RBFOX3: variants seen among roughly 807,000 people sequenced by gnomAD.
RBFOX3 encodes the protein RNA binding protein fox-1 homolog 3.
Under a neutral mutation model 48.7 loss-of-function variants are expected in RBFOX3, and 17 were observed. The ratio of observed to expected loss-of-function variants is 0.35; its 90% CI spans 0.24 to 0.52. The LOEUF is 0.52. RBFOX3 is among the 20% of genes least tolerant of loss of function. The pLI is 0.94. For missense variants in RBFOX3, 382 were observed against 497.5 expected (o/e 0.77, Z 2.21); for synonymous variants, 212 against 209.5 (o/e 1.01, Z -0.10).
At chr17:79,210,885 C>A (rs571855071) in intron 4 of RBFOX3, among the ~76,000 whole-genome samples, 6 of 149,720 alleles carry the variant, frequency 4.0e-5, no homozygotes, top group Admixed American at 3.3e-4. Context: ...CTCTAGGCAG[C>A]GAGCAGTGAG....
chr17:79,414,583 G>C (rs894997076), intron 2 of RBFOX3, among the ~76,000 whole-genome samples: 5 of 152,174 alleles, frequency 3.3e-5, no homozygotes, highest in Non-Finnish European at 7.3e-5. Flanking sequence ...GTGTCTGACT[G>C]TCCGTCTGGC....
At chr17:79,165,447 C>T (rs1380705367) in intron 4 of RBFOX3, among the ~76,000 whole-genome samples, 1 of 152,172 alleles carries the variant, frequency 6.6e-6, no homozygotes, top group Non-Finnish European at 1.5e-5. Flanking sequence ...CCTGGGGAGG[C>T]CGCAGGAGGG....
chr17:79,514,395 CCTCA>C (rs1202246872), intron 1 of RBFOX3, among the ~76,000 whole-genome samples: 6 of 152,244 alleles, frequency 3.9e-5, no homozygotes, highest in Non-Finnish European at 5.9e-5. Context: ...GCCACTATTG[CCTCA>C]CTGAGTCCTC....
rs748031028 is a variant in RBFOX3 at position 79,477,090 on chromosome 17, A to G, written c.-175+5364T>C. 8.2e-4 allele frequency among the ~76,000 whole-genome samples: 124 copies of G among 151,138 alleles called. No homozygotes were observed. Among genetic ancestry groups the G allele is most frequent in the Admixed American group, 1.1e-3 (16 of 15,208 alleles). On this transcript the variant is annotated intron_variant, in intron 2 of 14. Transcript: ENST00000693108. The surrounding 1 kb of genome is among the most constrained non-coding windows in gnomAD (Gnocchi z 4.8). ...TCTACTAAAAATACAAAAATTAGCC[A>G]GGCGTGGTGGTGGGCGCCTGTAATC...
In RBFOX3 at chr17:79,252,625, T is replaced by A. The variant is rs1273456243; in HGVS notation, c.-73-16820A>T. ...CTTCCTGACTTCTGCCTTCCAGAAC[T>A]GCAAGGCCACCCATCCAGCTCGTTT... On this transcript the variant is annotated intron_variant, in intron 3 of 14. Transcript: ENST00000693108. The surrounding 1 kb of genome is among the most constrained non-coding windows in gnomAD (Gnocchi z 4.0). 1.6e-4 allele frequency among the ~76,000 whole-genome samples: 25 copies of A among 152,214 alleles called. No homozygotes were observed. Among genetic ancestry groups the A allele is most frequent in the Non-Finnish European group, 2.9e-5 (2 of 68,048 alleles).
rs982100358 is a variant in RBFOX3 at position 79,299,553 on chromosome 17, G to C, written c.-74+8171C>G. ...ATCTCCAGGGTACTGGAGGATGCAC[G>C]TGGGTTACATGCAGAGGCTGCGCCA... is the stretch of plus-strand genomic sequence containing the variant. On this transcript the variant is annotated intron_variant, in intron 3 of 14. Transcript: ENST00000693108. This position sits in a 1 kb window ranked among gnomAD's most constrained non-coding sequence, Gnocchi z 4.5. 2.6e-5 allele frequency among the ~76,000 whole-genome samples: 4 copies of C among 152,240 alleles called. No individual in the cohort carries two copies. The highest frequency in any genetic ancestry group is 9.6e-5 in the African/African-American group (4 of 41,466).
chr17:79,365,976 T>C (rs947275549), intron 2 of RBFOX3, among the ~76,000 whole-genome samples: 10 of 152,238 alleles, frequency 6.6e-5, no homozygotes, highest in Non-Finnish European at 5.9e-5. Context: ...GCCACGGATG[T>C]CCTGCCACTG....
chr17:79,326,481 G>C (rs66950462), intron 2 of RBFOX3, among the ~76,000 whole-genome samples: 26,521 of 152,152 alleles, frequency 0.17, 2,616 homozygotes, highest in South Asian at 0.25. Context: ...CCTGGGGTCA[G>C]GCACTACACT....
At chr17:79,104,186 T>C (rs2146565954) in intron 6 of RBFOX3, 60 bp from the exon 7 acceptor site, 3 of 1,383,096 alleles carry the variant, frequency 2.2e-6, no homozygotes, top group East Asian at 2.5e-5. Context: ...TTAAGACTGC[T>C]GGCCCAGCTG....
In RBFOX3 at chr17:79,242,101, T is replaced by C. The variant is rs1296691958; in HGVS notation, c.-73-6296A>G. Among the ~76,000 whole-genome samples, 2 of 152,196 alleles carry C rather than the reference T, an allele frequency of 1.3e-5. No homozygotes were observed. Among genetic ancestry groups the C allele is most frequent in the Non-Finnish European group, 2.9e-5 (2 of 68,036 alleles). On this transcript the variant is annotated intron_variant, in intron 3 of 14. Transcript: ENST00000693108. This position sits in a 1 kb window ranked among gnomAD's most constrained non-coding sequence, Gnocchi z 5.8. ...GACGGTGCTTGGACCTAGTTTATGG[T>C]CAGAGTAGATTTATTTGGCATTGTA...
At position 79,455,286 on chromosome 17, in the gene RBFOX3, G is replaced by A. The variant is rs868948354; in HGVS notation, c.-175+27168C>T. Among the ~76,000 whole-genome samples the A allele has an allele frequency of 3.9e-5, 6 of 152,314 alleles. 1 individual carries two copies. Among genetic ancestry groups the A allele is most frequent in the Middle Eastern group, 3.4e-3 (1 of 294 alleles). On this transcript the variant is annotated intron_variant, in intron 2 of 14. Transcript: ENST00000693108. ...GACGGGGGAGCGGAGAGGGGGAGAGGCAGGCCCTGAGCAGTGGCATCTGGG... is the reference window on the plus strand; with the variant it reads ...GACGGGGGAGCGGAGAGGGGGAGAGACAGGCCCTGAGCAGTGGCATCTGGG...
At chr17:79,152,465 G>A (rs1231083675) in intron 4 of RBFOX3, among the ~76,000 whole-genome samples, 1 of 149,470 alleles carries the variant, frequency 6.7e-6, no homozygotes, top group African/African-American at 2.5e-5. Context: ...GGGTGGGGGG[G>A]TATCCCTTTC....
rs561628611 is a variant in RBFOX3 at position 79,542,609 on chromosome 17, C to A, written c.-319-60011G>T. 9.8e-5 allele frequency among the ~76,000 whole-genome samples: 15 copies of A among 152,300 alleles called. No individual in the cohort carries two copies. The South Asian group carries it at 2.1e-3, about 21-fold the overall frequency. On this transcript the variant is annotated intron_variant, in intron 1 of 14. Coordinates refer to ENST00000693108, the MANE Select transcript of RBFOX3 (RefSeq NM_001350451.2). ...GATCAGCCTGGCCAACATGGCAAAA[C>A]CCCGTCTCTACTAAAAATACAAAAA...
intron 1 of RBFOX3, among the ~76,000 whole-genome samples, chr17:79,546,815 A>T (rs1555792068): frequency 2.0e-5 from 3 of 151,406 alleles, no homozygotes; most frequent in African/African-American, 7.3e-5. Flanking sequence ...GATTACAGTT[A>T]TACACCACCA....
chr17:79,196,477 A>T (rs1041128119), intron 4 of RBFOX3, among the ~76,000 whole-genome samples: 1 of 152,226 alleles, frequency 6.6e-6, no homozygotes, highest in Non-Finnish European at 1.5e-5. Flanking sequence ...CCTTGTGAGG[A>T]TTCAAAAACA....
At chr17:79,541,791 C>T (rs1353908202) in intron 1 of RBFOX3, among the ~76,000 whole-genome samples, 1 of 152,166 alleles carries the variant, frequency 6.6e-6, no homozygotes, top group Non-Finnish European at 1.5e-5. Flanking sequence ...TGATCAGTAA[C>T]CTTTCTTCAT....
intron 4 of RBFOX3, among the ~76,000 whole-genome samples, chr17:79,147,699 G>A (rs1278397729): frequency 1.3e-5 from 2 of 152,216 alleles, no homozygotes; most frequent in Non-Finnish European, 2.9e-5. Context: ...CCTGGTTCTG[G>A]GCTGGCCAAG....
chr17:79,203,065 C>T (rs8081005), intron 4 of RBFOX3, among the ~76,000 whole-genome samples: 2,586 of 152,078 alleles, frequency 0.017, 59 homozygotes, highest in African/African-American at 0.06. Flanking sequence ...GCACTTCTCT[C>T]GGGGCCTGGA....
chr17:79,117,732 T>A (rs1444132480), intron 4 of RBFOX3, among the ~76,000 whole-genome samples: 2 of 152,062 alleles, frequency 1.3e-5, no homozygotes, highest in African/African-American at 4.8e-5. Flanking sequence ...ACCCAACAAC[T>A]GTTGATGGGG....
Sources: gnomAD v4.1 joint callset for allele counts (sites outside exome capture counted in the v4.1 genomes callset) on GRCh38, gnomAD v4.1.1 for gene constraint, Gnocchi (gnomAD v3.1) non-coding constraint, MANE v1.5 for transcripts, NCBI Gene and HGNC (gene_info 2026-07-23, HGNC 2026-07-21) for gene names.